DNAH8: variants seen among roughly 807,000 people sequenced by gnomAD.
The protein encoded by DNAH8 is axonemal beta dynein heavy chain 8.
DNAH8 carries 382 observed loss-of-function variants against 562.1 expected under a neutral mutation model. That is an observed-to-expected ratio of 0.68 (90% CI 0.63 to 0.74). The LOEUF is 0.74. DNAH8 is among the 30% of genes least tolerant of loss of function. The probability of loss-of-function intolerance (pLI) is 0.00; values close to 1 mark genes in which losing one functional copy is unlikely to be tolerated. For synonymous variants in DNAH8, 1,881 were observed against 1,919.4 expected, an observed-to-expected ratio of 0.98 and a Z score of 0.52; for missense variants, 5,203 against 5,620.4, an observed-to-expected ratio of 0.93 and a Z score of 2.37.
intron 70 of DNAH8, among the ~76,000 whole-genome samples, chr6:38,918,996 A>C (rs1342814405): frequency 3.3e-5 from 5 of 152,142 alleles, no homozygotes; most frequent in African/African-American, 1.2e-4. Flanking sequence ...TAAAATAAAA[A>C]GTTTTAACAA....
intron 65 of DNAH8, 83 bp from the exon 66 acceptor site, chr6:38,911,385 C>A: frequency 1.0e-6 from 1 of 999,222 alleles, no homozygotes; most frequent in Non-Finnish European, 1.6e-6. Context: ...TACATGATCA[C>A]ACTGATTTCA....
At position 38,942,209 on chromosome 6, in the gene DNAH8, C is replaced by T. The variant is rs370446267; in HGVS notation, c.12007+3221C>T. ...TATTTGGTGATAGTGGCTGAATGGA[C>T]AAAGATACCGTGCAATACGAGTGGA... On this transcript the variant is annotated intron_variant, in intron 79 of 92. Coordinates refer to ENST00000327475, the MANE Select transcript of DNAH8 (RefSeq NM_001206927.2). Among the ~76,000 whole-genome samples the T allele has an allele frequency of 9.8e-5, 15 of 152,288 alleles. No homozygotes were observed. The East Asian group carries it at 2.1e-3, about 22-fold the overall frequency.
chr6:38,752,717 C>T (rs1765570006), intron 9 of DNAH8, among the ~76,000 whole-genome samples: 1 of 151,854 alleles, frequency 6.6e-6, no homozygotes, highest in Non-Finnish European at 1.5e-5. Context: ...TGTTAGTAGT[C>T]AAGAAGTTTA....
intron 32 of DNAH8, 78 bp from the exon 33 acceptor site, chr6:38,837,864 A>T (rs1774425419): frequency 9.5e-7 from 1 of 1,051,370 alleles, no homozygotes; most frequent in Non-Finnish European, 1.4e-6. Context: ...CCTAGCTTTT[A>T]TCCCAATGAA....
chr6:38,909,418 T>C (rs1306468606), intron 64 of DNAH8, 100 bp from the exon 65 acceptor site: 10 of 1,034,982 alleles, frequency 9.7e-6, no homozygotes, highest in Non-Finnish European at 1.5e-5. Context: ...CATTTTCAAA[T>C]CTGTGATGTC....
chr6:38,770,008 T>C (rs548988594), intron 11 of DNAH8, among the ~76,000 whole-genome samples: 4 of 152,336 alleles, frequency 2.6e-5, no homozygotes, highest in South Asian at 2.1e-4. Flanking sequence ...TCAAAGACTT[T>C]ATGACCCTCT....
chr6:38,791,779 CT>C (rs3839625), intron 21 of DNAH8, 105 bp downstream of exon 21: 54,272 of 902,142 alleles, frequency 0.06, no homozygotes, highest in South Asian at 0.079. Context: ...AGCATTTAGA[CT>C]TTTTTTTTTT....
chr6:38,817,500 A>T (rs1300473800), intron 26 of DNAH8, among the ~76,000 whole-genome samples: 1 of 152,150 alleles, frequency 6.6e-6, no homozygotes, highest in Non-Finnish European at 1.5e-5. Flanking sequence ...CTAATAAAGG[A>T]TGAAAAATCT....
chr6:38,815,329 C>T (rs1461779689), intron 25 of DNAH8, 139 bp from the exon 26 acceptor site: 1 of 582,918 alleles, frequency 1.7e-6, no homozygotes. Flanking sequence ...CCATCTTCCT[C>T]TATCATTCTC....
Position 38,737,898 on chromosome 6 carries a change from G to A in DNAH8, c.1042G>A (p.Ala348Thr). Residue 348 changes from alanine (A) to threonine (T), a missense_variant, in exon 7 of 93, where the codon GCT (alanine) becomes ACT (threonine). Ala to Thr is a moderately conservative substitution (Grantham distance 58). This residue lies in a region of DNAH8 where 556 missense variants were observed against 496.9 expected (regional missense o/e 1.12). Coordinates refer to ENST00000327475, the MANE Select transcript of DNAH8 (RefSeq NM_001206927.2). ...ACTGCACACCTTTGAAGAAGTAACT[G>A]CTGCAGCCAGCAACTCAGAAACTGT... ...SKLHTFEEVT[A>T]AASNSETVHQ... The A allele has an allele frequency of 6.2e-7, 1 of 1,606,500 alleles. No homozygotes were observed. The highest frequency in any genetic ancestry group is 8.5e-7 in the Non-Finnish European group (1 of 1,177,192).
intron 24 of DNAH8, among the ~76,000 whole-genome samples, 195 bp downstream of exon 24, chr6:38,807,911 A>G (rs574877899): frequency 6.6e-6 from 1 of 152,336 alleles, no homozygotes; most frequent in South Asian, 2.1e-4. Context: ...CCTGCCTGAG[A>G]CAAAAAAAGG....
Position 38,729,924 on chromosome 6 carries a change from T to G in DNAH8, c.548T>G (p.Phe183Cys). ...CPSLEAFTNFFAKDGCKTLKF... is the reference protein window; with the variant it reads ...CPSLEAFTNFCAKDGCKTLKF... The stretch of plus-strand genomic sequence containing the variant: ...CAGCTGGAAGCATTTACTAATTTTT[T>G]TGCGAAAGATGGTTGTAAGACACTG... The change falls in exon 4 of 93, where the codon TTT (phenylalanine) becomes TGT (cysteine). Residue 183 changes from phenylalanine (F) to cysteine (C), a missense_variant. Physicochemically the swap from Phe to Cys is radical, Grantham distance 205 (BLOSUM62 -2). Around this residue, in one of 6 missense-constraint regions of DNAH8, gnomAD observed 556 missense variants for 496.9 expected, o/e 1.12. Coordinates refer to ENST00000327475, the MANE Select transcript of DNAH8 (RefSeq NM_001206927.2). 1 of 1,589,046 alleles carries G rather than the reference T, an allele frequency of 6.3e-7. No individual in the cohort carries two copies. The highest frequency in any genetic ancestry group is 2.2e-5 in the East Asian group (1 of 44,634).
chr6:38,976,422 CAT>C, intron 85 of DNAH8, among the ~76,000 whole-genome samples: 1 of 152,252 alleles, frequency 6.6e-6, no homozygotes, highest in East Asian at 1.9e-4. Context: ...GAATTTTAGA[CAT>C]ATGTTTCAGA....
intron 48 of DNAH8, among the ~76,000 whole-genome samples, chr6:38,869,431 C>T (rs1047126061): frequency 1.3e-5 from 2 of 152,066 alleles, no homozygotes; most frequent in Non-Finnish European, 2.9e-5. Context: ...GCAGTCTAAG[C>T]CTCCCTTAGA....
At chr6:38,892,107 C>T (rs1321061330) in intron 58 of DNAH8, among the ~76,000 whole-genome samples, 1 of 152,138 alleles carries the variant, frequency 6.6e-6, no homozygotes, top group East Asian at 1.9e-4. Flanking sequence ...AGTGCACTGG[C>T]TACCTCATTA....
At chr6:38,923,250 T>C (rs1363982474) in intron 72 of DNAH8, 65 bp downstream of exon 72, 1 of 1,577,330 alleles carries the variant, frequency 6.3e-7, no homozygotes, top group Non-Finnish European at 8.6e-7. Flanking sequence ...TAAAGTCCAT[T>C]TCCATGTGTT....
intron 49 of DNAH8, among the ~76,000 whole-genome samples, chr6:38,871,600 T>G (rs1226918369): frequency 6.6e-6 from 1 of 152,168 alleles, no homozygotes; most frequent in African/African-American, 2.4e-5. Flanking sequence ...ACTCTCCCTC[T>G]GATCAGCTGT....
In DNAH8 at chr6:38,857,584, G is replaced by C. The variant is rs766395761; in HGVS notation, c.5800G>C (p.Asp1934His). The C allele has an allele frequency of 6.2e-7, 1 of 1,613,932 alleles. No homozygotes were observed. Among genetic ancestry groups the C allele is most frequent in the Admixed American group, 1.7e-5 (1 of 60,004 alleles). Reference protein sequence around the residue: ...DSEEALRNAKDDRKIMQVTNQ... With the variant: ...DSEEALRNAKHDRKIMQVTNQ... ...AGAAGAGGCTTTACGTAATGCAAAA[G>C]ATGACAGGAAAATCATGCAAGTGAC... Residue 1934 changes from aspartate to histidine, a missense_variant, in exon 42 of 93, where the codon GAT becomes CAT. Asp to His is a moderately conservative substitution (Grantham distance 81). This residue lies in a region of DNAH8 where 2,176 missense variants were observed against 2,365.1 expected (regional missense o/e 0.92). Coordinates refer to ENST00000327475, the MANE Select transcript of DNAH8 (RefSeq NM_001206927.2).
intron 4 of DNAH8, 116 bp downstream of exon 4, chr6:38,730,102 G>A (rs1038010923): frequency 1.4e-5 from 8 of 583,692 alleles, no homozygotes; most frequent in Non-Finnish European, 2.1e-5. Flanking sequence ...GTTACCAGAA[G>A]TTTATGTATA....
Sources: allele counts gnomAD v4.1 joint callset (sites outside exome capture counted in the v4.1 genomes callset), GRCh38; gene constraint gnomAD v4.1.1; regional missense constraint gnomAD v4.1.1; transcripts MANE v1.5; gene names NCBI Gene and HGNC (gene_info 2026-07-23, HGNC 2026-07-21).